PACRG: variants seen among roughly 807,000 people sequenced by gnomAD.
PACRG encodes the protein parkin coregulated gene protein.
A neutral mutation model predicts 29.7 loss-of-function variants in PACRG; 29 were observed. The observed-to-expected ratio is 0.98, with a 90% CI of 0.73 to 1.33. PACRG has a LOEUF of 1.33. PACRG is among the 40% of genes most tolerant of loss of function. PACRG has a pLI of 0.00. For synonymous variants in PACRG, 116 were observed against 118.7 expected, an observed-to-expected ratio of 0.98 and a Z score of 0.15; for missense variants, 279 against 316.2, an observed-to-expected ratio of 0.88 and a Z score of 0.89.
chr6:162,733,940 G>A (rs772856919), intron 1 of PACRG, among the ~76,000 whole-genome samples: 18 of 151,988 alleles, frequency 1.2e-4, no homozygotes, highest in Non-Finnish European at 1.2e-4. Context: ...AGTTGAGCCT[G>A]TGTTTTTCTT....
chr6:163,207,238 C>T (rs1780941056), intron 4 of PACRG, among the ~76,000 whole-genome samples: 1 of 152,118 alleles, frequency 6.6e-6, no homozygotes, highest in African/African-American at 2.4e-5. Flanking sequence ...GTGATCTGTT[C>T]CCTCATTGTT....
At chr6:163,121,965 G>A (rs577932236) in intron 4 of PACRG, among the ~76,000 whole-genome samples, 1 of 152,018 alleles carries the variant, frequency 6.6e-6, no homozygotes, top group Admixed American at 6.5e-5. Flanking sequence ...CCTGGCCGGT[G>A]ATCTTTTTCT....
intron 4 of PACRG, among the ~76,000 whole-genome samples, chr6:163,127,099 T>G (rs772471016): frequency 6.6e-6 from 1 of 152,212 alleles, no homozygotes; most frequent in African/African-American, 2.4e-5. Context: ...TTTATGAGAC[T>G]ATGTAAATGA....
intron 4 of PACRG, among the ~76,000 whole-genome samples, chr6:163,092,019 A>G (rs977883138): frequency 5.9e-5 from 9 of 152,150 alleles, no homozygotes; most frequent in African/African-American, 2.2e-4. Context: ...TTTCTCTTTT[A>G]TGTAAATCAA....
At chr6:163,174,949 A>ATGTT (rs1300473702) in intron 4 of PACRG, among the ~76,000 whole-genome samples, 3 of 152,196 alleles carry the variant, frequency 2.0e-5, no homozygotes, top group Admixed American at 2.0e-4. Context: ...GAAAGACAAA[A>ATGTT]TGTTTGTCCA....
chr6:163,196,954 GA>G, intron 4 of PACRG, among the ~76,000 whole-genome samples: 1 of 150,948 alleles, frequency 6.6e-6, no homozygotes, highest in Non-Finnish European at 1.5e-5. Flanking sequence ...TAGATAGATA[GA>G]TAGATAGATA....
intron 2 of PACRG, among the ~76,000 whole-genome samples, chr6:162,952,251 A>G (rs1425683061): frequency 1.3e-5 from 2 of 152,214 alleles, no homozygotes; most frequent in East Asian, 3.8e-4. Context: ...AACATTACAC[A>G]GCACACTATT....
chr6:163,203,216 C>T (rs546864593), intron 4 of PACRG, among the ~76,000 whole-genome samples: 2 of 152,176 alleles, frequency 1.3e-5, no homozygotes, highest in African/African-American at 4.8e-5. Flanking sequence ...AGTTCAAGAC[C>T]AGCCTGGCCA....
intron 2 of PACRG, among the ~76,000 whole-genome samples, chr6:162,896,576 GAAAACTA>G (rs1384051454): frequency 6.6e-6 from 1 of 152,212 alleles, no homozygotes; most frequent in Non-Finnish European, 1.5e-5. Flanking sequence ...GGCTACCTGG[GAAAACTA>G]TGATAGGAAG....
chr6:163,261,061 C>T (rs1039104079), intron 4 of PACRG, among the ~76,000 whole-genome samples: 2 of 152,016 alleles, frequency 1.3e-5, no homozygotes, highest in African/African-American at 4.8e-5. Context: ...CAAAAACAGC[C>T]ACGACATCAA....
intron 4 of PACRG, among the ~76,000 whole-genome samples, chr6:163,301,602 TC>T (rs1427285249): frequency 6.6e-6 from 1 of 152,132 alleles, no homozygotes; most frequent in Non-Finnish European, 1.5e-5. Flanking sequence ...AAAGTGTTGC[TC>T]CTTTGTGAGG....
chr6:163,058,756 C>T (rs2985663), intron 2 of PACRG, among the ~76,000 whole-genome samples: 40,765 of 152,024 alleles, frequency 0.27, 6,042 homozygotes, highest in East Asian at 0.44. Context: ...AAAATTTAGC[C>T]AGGCGTGGTG....
At chr6:163,114,635 T>C (rs1200454962) in intron 4 of PACRG, among the ~76,000 whole-genome samples, 1 of 152,134 alleles carries the variant, frequency 6.6e-6, no homozygotes, top group Non-Finnish European at 1.5e-5. Context: ...CTCACTTATA[T>C]GATGAATCTA....
At chr6:163,153,876 C>T (rs1778204885) in intron 4 of PACRG, among the ~76,000 whole-genome samples, 1 of 152,168 alleles carries the variant, frequency 6.6e-6, no homozygotes, top group South Asian at 2.1e-4. Flanking sequence ...TCAAAACCAC[C>T]AGCTCCTGCT....
At position 162,818,522 on chromosome 6, in the gene PACRG, A is replaced by C. The variant is rs180757487; in HGVS notation, c.291+4241A>C. On this transcript the variant is annotated intron_variant, in intron 2 of 4. Transcript: ENST00000366888. The stretch of plus-strand genomic sequence containing the variant: ...GTAAATAAAGAGCGAAGAGAAGCAT[A>C]CAAGTGGTTTTGAAACGGTCTCTTC... Among the ~76,000 whole-genome samples the C allele has an allele frequency of 3.3e-5, 5 of 152,336 alleles. No homozygotes were observed. The East Asian group carries it at 9.6e-4, about 29-fold the overall frequency.
intron 4 of PACRG, among the ~76,000 whole-genome samples, chr6:163,304,577 G>A (rs77232106): frequency 1.3e-5 from 2 of 152,296 alleles, no homozygotes; most frequent in East Asian, 1.9e-4. Flanking sequence ...GGGACTACAG[G>A]CCTAGTGCTC....
intron 2 of PACRG, among the ~76,000 whole-genome samples, chr6:162,970,357 G>A (rs1801423237): frequency 6.6e-6 from 1 of 152,152 alleles, no homozygotes; most frequent in South Asian, 2.1e-4. Context: ...GCTGCTGTGG[G>A]AATATACTTA....
At chr6:162,890,942 T>G (rs1794708946) in intron 2 of PACRG, among the ~76,000 whole-genome samples, 1 of 152,152 alleles carries the variant, frequency 6.6e-6, no homozygotes, top group Non-Finnish European at 1.5e-5. Context: ...CTCGAGGTCT[T>G]GTGCTCCCTG....
intron 2 of PACRG, among the ~76,000 whole-genome samples, chr6:162,987,092 C>T (rs1802967696): frequency 6.6e-6 from 1 of 151,980 alleles, no homozygotes; most frequent in African/African-American, 2.4e-5. Flanking sequence ...GTTATAGAGC[C>T]TGTTTTGTCA....
Sources: allele counts gnomAD v4.1 joint callset (sites outside exome capture counted in the v4.1 genomes callset), GRCh38; gene constraint gnomAD v4.1.1; transcripts MANE v1.5; gene names NCBI Gene and HGNC (gene_info 2026-07-23, HGNC 2026-07-21).